Variants in RCOR3 observed in about 807,000 individuals in gnomAD.
RCOR3 encodes the protein REST corepressor 3.
A neutral mutation model predicts 64.1 loss-of-function variants in RCOR3; 13 were observed. The ratio of observed to expected loss-of-function variants is 0.20; its 90% CI spans 0.13 to 0.32. The LOEUF is 0.32. RCOR3 is among the 10% of genes least tolerant of loss of function. The probability of loss-of-function intolerance (pLI) is 1.00; values close to 1 mark genes in which losing one functional copy is unlikely to be tolerated. For missense variants in RCOR3, 489 were observed against 701.2 expected, an observed-to-expected ratio of 0.70 and a Z score of 3.42; for synonymous variants, 215 against 239.0, an observed-to-expected ratio of 0.90 and a Z score of 0.93.
rs369058469 is a variant in RCOR3 at position 211,313,819 on chromosome 1, G to T, written c.*51G>T. On this transcript the variant is annotated 3_prime_UTR_variant, in exon 12 of 12. Coordinates refer to ENST00000419091, the MANE Select transcript of RCOR3 (RefSeq NM_001136223.3). This position sits in a 1 kb window ranked among gnomAD's most constrained non-coding sequence, Gnocchi z 4.7. ...AACTTTTCACCCCATCATTATACCA[G>T]TGCTCATCTGACTGATGAAAAAGAG... 3.0e-4 allele frequency: 424 copies of T among 1,437,220 alleles called. 1 individual carries two copies. The highest frequency in any genetic ancestry group is 3.5e-4 in the Non-Finnish European group (366 of 1,031,676). The allele number at this position is 1,437,220 out of a possible 1,614,324, so 89.0% of individuals were successfully genotyped here.
intron 10 of RCOR3, among the ~76,000 whole-genome samples, chr1:211,310,689 CAGA>C (rs1362815967): frequency 1.3e-5 from 2 of 152,094 alleles, no homozygotes; most frequent in South Asian, 2.1e-4. Context: ...GGAGTATAGT[CAGA>C]AGAAGGGGCA....
chr1:211,260,393 G>A (rs1347277959), intron 2 of RCOR3, among the ~76,000 whole-genome samples: 1 of 152,220 alleles, frequency 6.6e-6, no homozygotes, highest in African/African-American at 2.4e-5. Context: ...CTTGCCCGCT[G>A]GGGGCATCGC....
At chr1:211,302,030 T>C (rs191489770) in intron 9 of RCOR3, 3 of 152,292 alleles carry the variant, frequency 2.0e-5, no homozygotes, top group East Asian at 1.9e-4. Context: ...CTGCAAGTTG[T>C]GTGTACAGAA....
chr1:211,259,758 GCCTGCCCC>G, intron 1 of RCOR3, 32 bp downstream of exon 1: 1 of 1,276,962 alleles, frequency 7.8e-7, no homozygotes, highest in Non-Finnish European at 1.0e-6. Flanking sequence ...CCGCCAGCCC[GCCTGCCCC>G]CCTCCCTCTT....
chr1:211,302,578 TAAAC>T (rs1243976271), intron 9 of RCOR3: 1 of 152,242 alleles, frequency 6.6e-6, no homozygotes, highest in African/African-American at 2.4e-5. Flanking sequence ...TAAAGTGTAT[TAAAC>T]ACGTCATTAA....
intron 1 of RCOR3, 161 bp downstream of exon 1, chr1:211,259,887 C>A: frequency 9.7e-7 from 1 of 1,034,984 alleles, no homozygotes; most frequent in African/African-American, 1.8e-5. Context: ...CCCCCGCGAC[C>A]CCCCGTCCCT....
At chr1:211,272,556 T>G (rs180926374) in intron 3 of RCOR3, among the ~76,000 whole-genome samples, 2 of 150,644 alleles carry the variant, frequency 1.3e-5, no homozygotes, top group African/African-American at 4.9e-5. Context: ...TTATGTCTAG[T>G]CTCTTTCTCA....
At chr1:211,260,187 A>G in intron 2 of RCOR3, 23 bp downstream of exon 2, 2 of 1,607,570 alleles carry the variant, frequency 1.2e-6, no homozygotes, top group Non-Finnish European at 1.7e-6. Context: ...GCTTAAGCAA[A>G]ATCTCATATC....
At chr1:211,299,191 C>G (rs919344185) in intron 9 of RCOR3, among the ~76,000 whole-genome samples, 3 of 152,080 alleles carry the variant, frequency 2.0e-5, no homozygotes, top group Non-Finnish European at 4.4e-5. Context: ...AAATATTAAG[C>G]ATGTAAGTCG....
At position 211,313,502 on chromosome 1, in the gene RCOR3, A is replaced by T; in HGVS notation, c.1396A>T (p.Ile466Phe). Residue 466 changes from isoleucine to phenylalanine, a missense_variant, in exon 12 of 12, where the codon ATT (isoleucine) becomes TTT (phenylalanine). Transcript: ENST00000419091. The surrounding 1 kb of genome is among the most constrained non-coding windows in gnomAD (Gnocchi z 4.7). ...ATCCACTCCAACACCAACAGCCCCT[A>T]TTGCCACTCTGAACCAGCCTCCACC... The part of the protein sequence containing the change: ...PSSTPTPTAP[I>F]ATLNQPPPLL... 1.2e-6 allele frequency: 2 copies of T among 1,613,972 alleles called. No homozygotes were observed. The highest frequency in any genetic ancestry group is 1.7e-6 in the Non-Finnish European group (2 of 1,179,996).
chr1:211,284,722 A>C (rs904130490), intron 7 of RCOR3, among the ~76,000 whole-genome samples: 1 of 151,864 alleles, frequency 6.6e-6, no homozygotes, highest in Non-Finnish European at 1.5e-5. Context: ...GGGTCTTGCT[A>C]CATTGTCCAG....
intron 7 of RCOR3, among the ~76,000 whole-genome samples, chr1:211,282,451 C>T (rs1697941788): frequency 6.6e-6 from 1 of 151,062 alleles, no homozygotes; most frequent in Non-Finnish European, 1.5e-5. Flanking sequence ...GTATCTACCA[C>T]TGAGCTGAAG....
Position 211,289,182 on chromosome 1 carries a change from A to G in RCOR3, c.725A>G (p.Asn242Ser), listed in dbSNP as rs773650653. ...ATTCTGCTTTTATTCTCTTAGGGTA[A>G]TACTGAACAACCTGTCCAAACTAGC... ...DPKKEAKKEGNTEQPVQTSKI... is the reference protein window; with the variant it reads ...DPKKEAKKEGSTEQPVQTSKI... The change falls in exon 8 of 12, where the codon AAT becomes AGT. Residue 242 changes from asparagine to serine, a missense_variant. Transcript: ENST00000419091. 2.5e-6 allele frequency: 4 copies of G among 1,613,326 alleles called. No individual in the cohort carries two copies. In the African/African-American group the frequency reaches 5.3e-5, roughly 22 times the overall value.
intron 9 of RCOR3, among the ~76,000 whole-genome samples, chr1:211,300,148 G>A (rs915255581): frequency 7.2e-6 from 1 of 138,084 alleles, no homozygotes; most frequent in Non-Finnish European, 1.5e-5. Flanking sequence ...TCGGCTCTCT[G>A]CAACCTCCAT....
chr1:211,259,920 C>CA, intron 1 of RCOR3, 188 bp from the exon 2 acceptor site: 1 of 1,018,712 alleles, frequency 9.8e-7, no homozygotes, highest in Non-Finnish European at 1.3e-6. Flanking sequence ...AATCCTCCGC[C>CA]TTTGCCCCCC....
At chr1:211,271,686 C>A in intron 3 of RCOR3, 1 of 356,162 alleles carries the variant, frequency 2.8e-6, no homozygotes, top group Non-Finnish European at 5.6e-6. Flanking sequence ...CTATCATTAC[C>A]ATTTTAAAGA....
chr1:211,313,235 T>C lies in RCOR3; in HGVS notation c.1318-189T>C. The C allele has an allele frequency of 7.0e-7, 1 of 1,431,558 alleles. No individual in the cohort carries two copies. Among genetic ancestry groups the C allele is most frequent in the Non-Finnish European group, 9.1e-7 (1 of 1,099,464 alleles). The allele number at this position is 1,431,558 out of a possible 1,614,324, so 88.7% of individuals were successfully genotyped here. ...AAATAAAGATGCCTGTTTGGTAGCCTCATTGGTTTTTGGTTTTTGGTTTTG... is the reference window on the plus strand; with the variant it reads ...AAATAAAGATGCCTGTTTGGTAGCCCCATTGGTTTTTGGTTTTTGGTTTTG... On this transcript the variant is annotated intron_variant, in intron 11 of 11. Transcript: ENST00000419091. The surrounding 1 kb of genome is among the most constrained non-coding windows in gnomAD (Gnocchi z 4.7).
intron 2 of RCOR3, among the ~76,000 whole-genome samples, chr1:211,263,595 A>G (rs991923989): frequency 2.8e-4 from 42 of 152,312 alleles, no homozygotes; most frequent in African/African-American, 9.9e-4. Flanking sequence ...GGCTTTTCTT[A>G]TCTGGTAAAA....
intron 7 of RCOR3, 146 bp from the exon 8 acceptor site, chr1:211,289,032 A>C: frequency 1.6e-6 from 1 of 622,536 alleles, no homozygotes; most frequent in Non-Finnish European, 2.9e-6. Flanking sequence ...GTGTGTGTGT[A>C]TGGACTTGTA....
Sources: allele counts gnomAD v4.1 joint callset (sites outside exome capture counted in the v4.1 genomes callset), GRCh38; gene constraint gnomAD v4.1.1; non-coding constraint Gnocchi (gnomAD v3.1); transcripts MANE v1.5; gene names NCBI Gene and HGNC (gene_info 2026-07-23, HGNC 2026-07-21).